WIPF1: variants seen among roughly 807,000 people sequenced by gnomAD.
WIPF1 encodes WAS/WASL-interacting protein family member 1.
Under a neutral mutation model 35.4 loss-of-function variants are expected in WIPF1, and 13 were observed. The ratio of observed to expected loss-of-function variants is 0.37; its 90% CI spans 0.24 to 0.58. The LOEUF is 0.58. WIPF1 is among the 20% of genes least tolerant of loss of function. WIPF1 has a pLI of 0.74. For synonymous variants in WIPF1, 267 were observed against 266.3 expected, an observed-to-expected ratio of 1.00 and a Z score of -0.02; for missense variants, 591 against 667.0, an observed-to-expected ratio of 0.89 and a Z score of 1.25.
At chr2:174,648,606 A>C (rs572902068) in intron 1 of WIPF1, among the ~76,000 whole-genome samples, 2 of 152,340 alleles carry the variant, frequency 1.3e-5, no homozygotes, top group East Asian at 3.9e-4. Context: ...TTATTATTGG[A>C]AAATTAGCAA....
intron 1 of WIPF1, among the ~76,000 whole-genome samples, chr2:174,609,226 T>C (rs975206297): frequency 2.0e-5 from 3 of 152,212 alleles, no homozygotes; most frequent in East Asian, 1.9e-4. Flanking sequence ...CTGTTACATA[T>C]TGATGTGGTT....
chr2:174,614,279 C>T (rs1433906460), intron 1 of WIPF1, among the ~76,000 whole-genome samples: 1 of 152,216 alleles, frequency 6.6e-6, no homozygotes, highest in African/African-American at 2.4e-5. Context: ...AAATCCTCCA[C>T]TGCAGAGAAC....
At position 174,590,080 on chromosome 2, in the gene WIPF1, A is replaced by C. The variant is rs1685558612; in HGVS notation, c.-38-4469T>G. On this transcript the variant is annotated intron_variant, in intron 1 of 7. Coordinates refer to ENST00000679041, the MANE Select transcript of WIPF1 (RefSeq NM_001375834.1). This position sits in a 1 kb window ranked among gnomAD's most constrained non-coding sequence, Gnocchi z 4.6. ...TAAAAATAAAATAAAATAAAATAAAAACAAATTAAAATTAAATTTTTTAAA... is the reference window on the plus strand; with the variant it reads ...TAAAAATAAAATAAAATAAAATAAACACAAATTAAAATTAAATTTTTTAAA... 6.6e-6 allele frequency among the ~76,000 whole-genome samples: 1 copy of C among 152,150 alleles called. No homozygotes were observed. Among genetic ancestry groups the C allele is most frequent in the Non-Finnish European group, 1.5e-5 (1 of 68,036 alleles).
chr2:174,614,341 C>G (rs1686443383), intron 1 of WIPF1, among the ~76,000 whole-genome samples: 1 of 152,204 alleles, frequency 6.6e-6, no homozygotes, highest in South Asian at 2.1e-4. Context: ...TTCGGATAGT[C>G]TCACCCAACT....
intron 6 of WIPF1, 132 bp from the exon 7 acceptor site, chr2:174,567,315 A>G: frequency 1.2e-6 from 1 of 839,126 alleles, no homozygotes; most frequent in East Asian, 2.6e-5. Flanking sequence ...AGAAGTTTAC[A>G]GAAAAGCTGG....
intron 1 of WIPF1, among the ~76,000 whole-genome samples, chr2:174,596,978 A>T (rs762883030): frequency 6.6e-6 from 1 of 152,242 alleles, no homozygotes; most frequent in Non-Finnish European, 1.5e-5. Flanking sequence ...AACATTAATC[A>T]TATTAAACAT....
chr2:174,660,229 C>G (rs367780914), intron 1 of WIPF1, among the ~76,000 whole-genome samples: 8 of 152,196 alleles, frequency 5.3e-5, no homozygotes, highest in East Asian at 1.9e-4. Context: ...TTCTTCTTCG[C>G]TATAAAGAAG....
At chr2:174,662,053 A>G (rs1687771659) in intron 1 of WIPF1, among the ~76,000 whole-genome samples, 1 of 152,198 alleles carries the variant, frequency 6.6e-6, no homozygotes, top group Non-Finnish European at 1.5e-5. Flanking sequence ...TCATCCCTCC[A>G]TACATATGTG....
intron 1 of WIPF1, among the ~76,000 whole-genome samples, chr2:174,671,109 T>G (rs2105986559): frequency 6.6e-6 from 1 of 152,350 alleles, no homozygotes; most frequent in Non-Finnish European, 1.5e-5. Flanking sequence ...GATAGATTGT[T>G]GCATGAAGTC....
intron 1 of WIPF1, among the ~76,000 whole-genome samples, chr2:174,640,246 A>C (rs1687268944): frequency 6.6e-6 from 1 of 151,046 alleles, no homozygotes; most frequent in Non-Finnish European, 1.5e-5. Flanking sequence ...CTACACTAAA[A>C]ACTATAAAAC....
In WIPF1 at chr2:174,560,131, A is replaced by G. The variant is rs1684447826; in HGVS notation, c.*2416T>C. The G allele has an allele frequency of 6.6e-6, 1 of 152,644 alleles. No individual in the cohort carries two copies. Among genetic ancestry groups the G allele is most frequent in the South Asian group, 2.1e-4 (1 of 4,834 alleles). 9.5% of individuals were successfully genotyped at this position (152,644 alleles called of 1,614,324 possible). A position where few individuals can be genotyped will look rare whatever the true frequency, so the allele number is the denominator to read the frequency against. ...CACATGTAAGCTCTGATTTCAGGGAAGAAAAATTCATTTTTGTAATTTTCC... is the reference window on the plus strand; with the variant it reads ...CACATGTAAGCTCTGATTTCAGGGAGGAAAAATTCATTTTTGTAATTTTCC... On this transcript the variant is annotated 3_prime_UTR_variant, in exon 8 of 8. Coordinates refer to ENST00000679041, the MANE Select transcript of WIPF1 (RefSeq NM_001375834.1).
intron 1 of WIPF1, among the ~76,000 whole-genome samples, chr2:174,620,815 G>A (rs543452215): frequency 9.5e-4 from 145 of 152,346 alleles, no homozygotes; most frequent in African/African-American, 2.8e-3. Flanking sequence ...GCTTCACAGA[G>A]GCACGTGAGC....
intron 1 of WIPF1, among the ~76,000 whole-genome samples, chr2:174,640,675 A>G (rs1687278341): frequency 6.6e-6 from 1 of 151,778 alleles, no homozygotes; most frequent in Admixed American, 6.6e-5. Flanking sequence ...GGTTTGTTAC[A>G]TATGTATACA....
intron 1 of WIPF1, among the ~76,000 whole-genome samples, chr2:174,657,729 C>T (rs561412791): frequency 3.2e-4 from 48 of 151,708 alleles, no homozygotes; most frequent in African/African-American, 1.1e-3. Context: ...CCCATCTCTA[C>T]TAAAAAAAAT....
At chr2:174,587,887 C>T (rs970284876) in intron 1 of WIPF1, among the ~76,000 whole-genome samples, 3 of 152,316 alleles carry the variant, frequency 2.0e-5, no homozygotes, top group African/African-American at 7.2e-5. Context: ...CACCTGTTAA[C>T]TAGGCTGGAA....
intron 1 of WIPF1, among the ~76,000 whole-genome samples, chr2:174,652,698 G>A (rs1687557800): frequency 6.6e-6 from 1 of 152,036 alleles, no homozygotes; most frequent in Non-Finnish European, 1.5e-5. Flanking sequence ...AGCCAGGCTG[G>A]CAGAGGAGTA....
chr2:174,641,710 G>A (rs1164907668), intron 1 of WIPF1, among the ~76,000 whole-genome samples: 1 of 152,160 alleles, frequency 6.6e-6, no homozygotes, highest in African/African-American at 2.4e-5. Flanking sequence ...TACTGATAGT[G>A]CCTTACTCAT....
chr2:174,581,122 G>T, intron 3 of WIPF1, 188 bp downstream of exon 3: 1 of 599,084 alleles, frequency 1.7e-6, no homozygotes, highest in Admixed American at 2.9e-5. Context: ...CTGGCTTCTT[G>T]CAGCATTAGA....
At chr2:174,649,991 A>G (rs1395456283) in intron 1 of WIPF1, among the ~76,000 whole-genome samples, 2 of 151,962 alleles carry the variant, frequency 1.3e-5, no homozygotes, top group African/African-American at 2.4e-5. Context: ...ATTCTAAATC[A>G]CCCTTCTTTC....
Sources: allele counts gnomAD v4.1 joint callset (sites outside exome capture counted in the v4.1 genomes callset), GRCh38; gene constraint gnomAD v4.1.1; non-coding constraint Gnocchi (gnomAD v3.1); transcripts MANE v1.5; gene names NCBI Gene and HGNC (gene_info 2026-07-23, HGNC 2026-07-21).